The following HOMER1 variants were observed in gnomAD, a reference collection of about 807,000 sequenced individuals.
HOMER1 encodes the protein homer scaffold protein 1.
Under a neutral mutation model 48.9 loss-of-function variants are expected in HOMER1, and 3 were observed. The observed-to-expected ratio is 0.06, with a 90% CI of 0.03 to 0.16. The LOEUF is 0.16. HOMER1 is among the 10% of genes least tolerant of loss of function. HOMER1 has a pLI of 1.00. For synonymous variants in HOMER1, 134 were observed against 146.4 expected (o/e 0.92, Z 0.61); for missense variants, 247 against 411.4 (o/e 0.60, Z 3.46).
At chr5:79,404,879 T>TTA (rs1280499816) in intron 5 of HOMER1, among the ~76,000 whole-genome samples, 60 of 149,900 alleles carry the variant, frequency 4.0e-4, no homozygotes, top group African/African-American at 1.3e-3. Context: ...TTTTTTTTTT[T>TTA]AATATTTTTA....
chr5:79,477,945 TATGCCACAGACTGAATAACACA>T (rs1751830597), intron 1 of HOMER1, among the ~76,000 whole-genome samples: 1 of 152,104 alleles, frequency 6.6e-6, no homozygotes, highest in Non-Finnish European at 1.5e-5. Flanking sequence ...TACCTAAAGG[TATGCCACAGACTGAATAACACA>T]ATGCTAAAAA....
At chr5:79,433,811 A>G in intron 5 of HOMER1, among the ~76,000 whole-genome samples, 1 of 152,216 alleles carries the variant, frequency 6.6e-6, no homozygotes, top group East Asian at 1.9e-4. Context: ...AAACCCATAC[A>G]GATGTCATAC....
intron 4 of HOMER1, among the ~76,000 whole-genome samples, chr5:79,440,939 C>T (rs2112278481): frequency 6.6e-6 from 1 of 152,238 alleles, no homozygotes; most frequent in Admixed American, 6.5e-5. Flanking sequence ...AGGCGGATCA[C>T]CTGAGGTCAG....
intron 5 of HOMER1, among the ~76,000 whole-genome samples, chr5:79,437,162 T>C (rs917733926): frequency 1.3e-5 from 2 of 152,122 alleles, no homozygotes; most frequent in African/African-American, 2.4e-5. Context: ...ATTTAGAAAA[T>C]TTTAGGTGCA....
At chr5:79,380,318 CA>C (rs1748934382) in intron 8 of HOMER1, among the ~76,000 whole-genome samples, 1 of 152,304 alleles carries the variant, frequency 6.6e-6, no homozygotes, top group African/African-American at 2.4e-5. Flanking sequence ...ACCTAAGCTG[CA>C]GCAAGGCCCC....
At chr5:79,462,731 C>G (rs1262127102) in intron 1 of HOMER1, among the ~76,000 whole-genome samples, 1 of 152,186 alleles carries the variant, frequency 6.6e-6, no homozygotes, top group Non-Finnish European at 1.5e-5. Flanking sequence ...TTGGATAGCT[C>G]TGATTTTTAA....
chr5:79,447,019 G>C lies in HOMER1; in HGVS notation c.387+34C>G, dbSNP rs749743615. On this transcript the variant is annotated intron_variant, in intron 4 of 8. Coordinates refer to ENST00000334082, the MANE Select transcript of HOMER1 (RefSeq NM_004272.5). The stretch of plus-strand genomic sequence containing the variant: ...GAAGGATATTATCTGAAATGAACAA[G>C]GTTCATAATTAAGAATAGAAATGAT... 1.1e-5 allele frequency: 14 copies of C among 1,217,788 alleles called. No individual in the cohort carries two copies. In the African/African-American group the frequency reaches 1.2e-4, roughly 10 times the overall value. 75.4% of individuals were successfully genotyped at this position (1,217,788 alleles called of 1,614,324 possible).
chr5:79,464,562 C>G lies in HOMER1; in HGVS notation c.6-7544G>C, dbSNP rs151139565. Among the ~76,000 whole-genome samples the G allele has an allele frequency of 9.5e-4, 144 of 152,302 alleles. 1 individual carries two copies. Among genetic ancestry groups the G allele is most frequent in the African/African-American group, 2.9e-3 (122 of 41,564 alleles). ...GACTTTGGATGCAGCAGCTCAAGCA[C>G]TGGAATTTCCTAGAAAGAATTATCC... is the stretch of plus-strand genomic sequence containing the variant. On this transcript the variant is annotated intron_variant, in intron 1 of 8. Coordinates refer to ENST00000334082, the MANE Select transcript of HOMER1 (RefSeq NM_004272.5).
At chr5:79,448,016 T>C (rs1288613550) in intron 3 of HOMER1, among the ~76,000 whole-genome samples, 3 of 152,316 alleles carry the variant, frequency 2.0e-5, no homozygotes, top group Admixed American at 1.3e-4. Context: ...TGATTTCATT[T>C]CCATCTTGGG....
At chr5:79,505,153 G>A (rs779229677) in intron 1 of HOMER1, among the ~76,000 whole-genome samples, 18 of 152,100 alleles carry the variant, frequency 1.2e-4, no homozygotes, top group Admixed American at 3.3e-4. Flanking sequence ...CAACTACTCC[G>A]GAGGCTGAGG....
chr5:79,443,515 T>G (rs983665134), intron 4 of HOMER1, among the ~76,000 whole-genome samples: 1 of 152,168 alleles, frequency 6.6e-6, no homozygotes, highest in East Asian at 1.9e-4. Context: ...ACATATTGTA[T>G]AAATATACAA....
chr5:79,467,067 G>A (rs1751485951), intron 1 of HOMER1, among the ~76,000 whole-genome samples: 1 of 152,140 alleles, frequency 6.6e-6, no homozygotes, highest in South Asian at 2.1e-4. Flanking sequence ...TGGGATTACA[G>A]GTGTGAGCCA....
At chr5:79,455,106 A>AT (rs148460046) in intron 2 of HOMER1, among the ~76,000 whole-genome samples, 41,689 of 146,040 alleles carry the variant, frequency 0.29, 5,912 homozygotes, top group South Asian at 0.4. Context: ...CACCTAGCTA[A>AT]TTTTTTTTTT....
intron 1 of HOMER1, among the ~76,000 whole-genome samples, 162 bp downstream of exon 1, chr5:79,512,608 G>C (rs1752972985): frequency 6.6e-6 from 1 of 152,114 alleles, no homozygotes; most frequent in South Asian, 2.1e-4. Context: ...CTACAAAAAT[G>C]CAAAAATAAC....
intron 4 of HOMER1, among the ~76,000 whole-genome samples, chr5:79,441,623 G>A (rs969540568): frequency 6.6e-6 from 1 of 151,988 alleles, no homozygotes; most frequent in Admixed American, 6.6e-5. Flanking sequence ...CCCACCCAAA[G>A]CATGGTATTT....
At chr5:79,404,245 A>G (rs749594973) in intron 5 of HOMER1, among the ~76,000 whole-genome samples, 5 of 152,246 alleles carry the variant, frequency 3.3e-5, no homozygotes, top group Non-Finnish European at 7.3e-5. Context: ...TCACACAATT[A>G]TAAAGTAAAA....
At chr5:79,382,933 T>C (rs750438768) in intron 8 of HOMER1, among the ~76,000 whole-genome samples, 6 of 152,250 alleles carry the variant, frequency 3.9e-5, no homozygotes, top group Admixed American at 6.5e-5. Context: ...TTAAAAGATA[T>C]AGACTGGCTG....
intron 1 of HOMER1, among the ~76,000 whole-genome samples, chr5:79,495,590 A>G (rs1482644676): frequency 6.6e-6 from 1 of 152,222 alleles, no homozygotes; most frequent in African/African-American, 2.4e-5. Flanking sequence ...TTAAGTGCTT[A>G]ACGTTTTTTA....
rs527459806 is a variant in HOMER1, at chr5:79,470,081, A to G, written c.6-13063T>C. The stretch of plus-strand genomic sequence containing the variant: ...AATCTAAGTGGGAGGCCTTTTCCCT[A>G]TTTAGCTTTCCTGAAAGTGAATTTT... On this transcript the variant is annotated intron_variant, in intron 1 of 8. Coordinates refer to ENST00000334082, the MANE Select transcript of HOMER1 (RefSeq NM_004272.5). Among the ~76,000 whole-genome samples the G allele has an allele frequency of 3.5e-3, 533 of 152,252 alleles. 3 individuals are homozygous for G. Among genetic ancestry groups the G allele is most frequent in the Non-Finnish European group, 6.6e-3 (447 of 68,004 alleles).
Sources: gnomAD v4.1 joint callset for allele counts (sites outside exome capture counted in the v4.1 genomes callset) on GRCh38, gnomAD v4.1.1 for gene constraint, MANE v1.5 for transcripts, NCBI Gene and HGNC (gene_info 2026-07-23, HGNC 2026-07-21) for gene names.